DPP6: variants seen among roughly 807,000 people sequenced by gnomAD.
DPP6 encodes dipeptidyl peptidase like 6, also known as A-type potassium channel modulatory protein DPP6.
A neutral mutation model predicts 122.6 loss-of-function variants in DPP6; 69 were observed. The ratio of observed to expected loss-of-function variants is 0.56; its 90% confidence interval spans 0.46 to 0.69. DPP6 has a LOEUF of 0.69. Among genes scored for constraint, DPP6 ranks in the 30% least tolerant of loss-of-function variants. The pLI is 0.00. For missense variants in DPP6, 928 were observed against 1,116.9 expected (o/e 0.83, Z 2.41); for synonymous variants, 418 against 433.1 (o/e 0.97, Z 0.43).
intron 8 of DPP6, among the ~76,000 whole-genome samples, chr7:154,762,819 T>C (rs1249404562): frequency 6.6e-6 from 1 of 152,230 alleles, no homozygotes; most frequent in African/African-American, 2.4e-5. Context: ...AACACAAGTT[T>C]TGAATTCTGG....
intron 1 of DPP6, among the ~76,000 whole-genome samples, chr7:154,169,525 C>T (rs1471606297): frequency 2.0e-5 from 3 of 152,124 alleles, no homozygotes; most frequent in Non-Finnish European, 2.9e-5. Flanking sequence ...TCTTGATTTC[C>T]TTCATTTTAA....
intron 3 of DPP6, among the ~76,000 whole-genome samples, chr7:154,495,389 G>GT (rs34693163): frequency 2.0e-5 from 3 of 148,378 alleles, no homozygotes; most frequent in Admixed American, 6.7e-5. Flanking sequence ...GTTTGTTGTG[G>GT]TTTTTTTTTT....
At chr7:154,847,845 C>T (rs1045424851) in intron 16 of DPP6, among the ~76,000 whole-genome samples, 1 of 152,212 alleles carries the variant, frequency 6.6e-6, no homozygotes, top group African/African-American at 2.4e-5. Context: ...ACTTCAGCCT[C>T]TGGTAACCAT....
At chr7:154,575,353 G>GGTGTGTGTATGTGTGTGTGGT (rs1831524739) in intron 5 of DPP6, among the ~76,000 whole-genome samples, 1 of 62,078 alleles carries the variant, frequency 1.6e-5, no homozygotes, top group Admixed American at 2.0e-4. Flanking sequence ...ATGTGTGTGT[G>GGTGTGTGTATGTGTGTGTGGT]GTGTGTGTGT....
chr7:154,029,030 G>A (rs1437461966), intron 1 of DPP6, among the ~76,000 whole-genome samples: 1 of 136,180 alleles, frequency 7.3e-6, no homozygotes. Context: ...GTGCCTCTGA[G>A]AGTCCGGCAC....
chr7:154,757,972 C>G (rs6944110), intron 8 of DPP6, among the ~76,000 whole-genome samples: 8 of 152,042 alleles, frequency 5.3e-5, no homozygotes, highest in Admixed American at 6.5e-5. Flanking sequence ...CGCTCTCCCC[C>G]CCGCCCTCTC....
chr7:154,873,582 G>T (rs1804569350), intron 19 of DPP6, among the ~76,000 whole-genome samples: 1 of 152,168 alleles, frequency 6.6e-6, no homozygotes. Context: ...CTTCCTGAGG[G>T]CTGAGTCCCT....
chr7:154,741,361 C>T (rs576548173), intron 8 of DPP6, among the ~76,000 whole-genome samples: 9 of 152,352 alleles, frequency 5.9e-5, no homozygotes, highest in Admixed American at 5.2e-4. Flanking sequence ...GCTGGCCACT[C>T]AGGCCTACGA....
intron 1 of DPP6, among the ~76,000 whole-genome samples, chr7:154,006,480 C>T (rs1274623753): frequency 6.6e-6 from 1 of 152,166 alleles, no homozygotes; most frequent in Non-Finnish European, 1.5e-5. Flanking sequence ...CTAAATTCAG[C>T]TGCCTTTGAA....
intron 1 of DPP6, among the ~76,000 whole-genome samples, chr7:154,067,592 G>T (rs71532603): frequency 2.6e-5 from 4 of 152,092 alleles, no homozygotes; most frequent in Non-Finnish European, 4.4e-5. Flanking sequence ...CTTTTGCATG[G>T]GGCTCAGGCC....
chr7:154,165,882 C>G (rs576323370), intron 1 of DPP6, among the ~76,000 whole-genome samples: 141 of 152,172 alleles, frequency 9.3e-4, no homozygotes, highest in Non-Finnish European at 1.7e-3. Context: ...GAGACTCGAA[C>G]TTCTAAACAT....
chr7:154,046,802 A>G (rs1800037678), intron 1 of DPP6, among the ~76,000 whole-genome samples: 2 of 152,194 alleles, frequency 1.3e-5, no homozygotes, highest in African/African-American at 4.8e-5. Context: ...GGGTGAATTA[A>G]GTTGTGCTCA....
rs1053065014 is a variant in DPP6, at chr7:153,962,295, A to G, written c.51+74561A>G. ...ATGGCCTATTTTAAATCCTTATCCT[A>G]TTTGATACTGTCTGCAGAATCTGAT... On this transcript the variant is annotated intron_variant, in intron 1 of 25. Coordinates refer to the DPP6 transcript ENST00000404039. Among the ~76,000 whole-genome samples, 4 of 152,112 alleles carry G rather than the reference A, an allele frequency of 2.6e-5. No individual in the cohort carries two copies. The East Asian group carries it at 5.8e-4, about 22-fold the overall frequency.
intron 6 of DPP6, among the ~76,000 whole-genome samples, chr7:154,658,261 A>G (rs2131029456): frequency 6.6e-6 from 1 of 152,332 alleles, no homozygotes; most frequent in South Asian, 2.1e-4. Flanking sequence ...TAATTTGGAA[A>G]ACTGAGGGCA....
At chr7:153,901,885 CCTT>C (rs1799652728) in intron 1 of DPP6, among the ~76,000 whole-genome samples, 1 of 152,148 alleles carries the variant, frequency 6.6e-6, no homozygotes, top group Non-Finnish European at 1.5e-5. Context: ...TCCTTGAGCT[CCTT>C]AATATTAAAT....
At chr7:154,249,431 T>C (rs1802206002) in intron 1 of DPP6, among the ~76,000 whole-genome samples, 1 of 152,270 alleles carries the variant, frequency 6.6e-6, no homozygotes. Context: ...TTGAAAAGAT[T>C]ACCTGACAAC....
chr7:154,314,069 G>A (rs1807210603), intron 1 of DPP6, among the ~76,000 whole-genome samples: 1 of 152,070 alleles, frequency 6.6e-6, no homozygotes, highest in Non-Finnish European at 1.5e-5. Flanking sequence ...CTAGGCTTGG[G>A]ATGATGAAGA....
chr7:154,219,331 T>C (rs1800174923), intron 1 of DPP6, among the ~76,000 whole-genome samples: 1 of 152,172 alleles, frequency 6.6e-6, no homozygotes, highest in Non-Finnish European at 1.5e-5. Context: ...GAGTTAGATA[T>C]TTCAGAAAGG....
At chr7:154,062,660 C>T (rs373520873) in intron 1 of DPP6, among the ~76,000 whole-genome samples, 3 of 60,080 alleles carry the variant, frequency 5.0e-5, no homozygotes, top group Admixed American at 1.5e-4. Flanking sequence ...GGGGAGGCAC[C>T]CCCCGCGAGG....
Sources: gnomAD v4.1 joint callset for allele counts (sites outside exome capture counted in the v4.1 genomes callset) on GRCh38, gnomAD v4.1.1 for gene constraint, MANE v1.5 for transcripts, NCBI Gene and HGNC (gene_info 2026-07-23, HGNC 2026-07-21) for gene names.